The following MIOS variants were observed in gnomAD, a reference collection of about 807,000 sequenced individuals.
MIOS encodes meiosis regulator for oocyte development.
In MIOS, 52 loss-of-function variants were observed where a neutral mutation model predicts 96.9. The observed-to-expected ratio is 0.54, with a 90% CI of 0.43 to 0.68. The LOEUF (loss-of-function observed/expected upper bound fraction) is 0.68. MIOS is among the 30% of genes least tolerant of loss of function. The probability of loss-of-function intolerance (pLI) is 0.00; values close to 1 mark genes in which losing one functional copy is unlikely to be tolerated. For synonymous variants in MIOS, 397 were observed against 359.5 expected (o/e 1.10, Z -1.18); for missense variants, 1,005 against 1,052.8 (o/e 0.95, Z 0.63).
rs916206010 is a variant in MIOS at position 7,583,380 on chromosome 7, G to T, written c.1648+8G>T. 6.3e-7 allele frequency: 1 copy of T among 1,575,174 alleles called. No individual in the cohort carries two copies. The highest frequency in any genetic ancestry group is 8.6e-7 in the Non-Finnish European group (1 of 1,158,754). On this transcript the variant is annotated splice_region_variant and intron_variant, in intron 6 of 12. Transcript: ENST00000340080. ...GGGCATCTTCTGAAAAAGGTATTAG[G>T]TTATAAACTAAGATATTAGTTATAA... is the stretch of plus-strand genomic sequence containing the variant.
In MIOS at chr7:7,574,155, T is replaced by C. The variant is rs776536146; in HGVS notation, c.1352T>C (p.Leu451Ser). The change falls in exon 5 of 13, where the codon TTG becomes TCG. Residue 451 changes from leucine (L) to serine (S), a missense_variant. Around this residue, in one of 3 missense-constraint regions of MIOS, gnomAD observed 865 missense variants for 887.9 expected, o/e 0.97. Coordinates refer to ENST00000340080, the MANE Select transcript of MIOS (RefSeq NM_019005.4). ...DQKSPGNKGS[L>S]VYAGIKSIVK... ...AAATCTCCAGGCAACAAAGGATCAT[T>C]GGTTTATGCAGGAATTAAATCAATT... The C allele has an allele frequency of 6.2e-7, 1 of 1,611,072 alleles. No homozygotes were observed. Among genetic ancestry groups the C allele is most frequent in the South Asian group, 1.1e-5 (1 of 90,722 alleles).
chr7:7,579,888 A>G (rs1190964341), intron 5 of MIOS, among the ~76,000 whole-genome samples: 2 of 152,200 alleles, frequency 1.3e-5, no homozygotes, highest in African/African-American at 2.4e-5. Flanking sequence ...CACATTTCTC[A>G]GAATGTATCC....
chr7:7,571,741 G>A (rs982350141), intron 3 of MIOS, among the ~76,000 whole-genome samples: 1 of 152,140 alleles, frequency 6.6e-6, no homozygotes, highest in Admixed American at 6.6e-5. Context: ...GCAGAGCTAG[G>A]ACTAGAACTC....
At chr7:7,580,239 T>C (rs1783668589) in intron 5 of MIOS, among the ~76,000 whole-genome samples, 1 of 152,230 alleles carries the variant, frequency 6.6e-6, no homozygotes, top group Non-Finnish European at 1.5e-5. Context: ...TTAACTTTTA[T>C]CATTAATCGT....
At chr7:7,568,677 T>A (rs1408887472) in intron 3 of MIOS, among the ~76,000 whole-genome samples, 1 of 152,226 alleles carries the variant, frequency 6.6e-6, no homozygotes, top group Non-Finnish European at 1.5e-5. Context: ...ATTGTTATTT[T>A]GCACCACGTC....
At chr7:7,598,954 C>T (rs1784293637) in intron 11 of MIOS, among the ~76,000 whole-genome samples, 1 of 151,726 alleles carries the variant, frequency 6.6e-6, no homozygotes, top group Non-Finnish European at 1.5e-5. Flanking sequence ...ATATATAATA[C>T]ATATTTGAAC....
chr7:7,600,520 T>C (rs1043128401), intron 11 of MIOS, among the ~76,000 whole-genome samples: 4 of 152,162 alleles, frequency 2.6e-5, no homozygotes, highest in African/African-American at 9.7e-5. Flanking sequence ...GAACTAACTA[T>C]CCTAAATATA....
intron 12 of MIOS, among the ~76,000 whole-genome samples, chr7:7,606,280 C>G (rs138611256): frequency 1.3e-5 from 2 of 152,222 alleles, no homozygotes; most frequent in Non-Finnish European, 1.5e-5. Flanking sequence ...TATGTAAGAA[C>G]TAATTTAAAT....
intron 10 of MIOS, among the ~76,000 whole-genome samples, chr7:7,595,489 T>C: frequency 6.6e-6 from 1 of 152,244 alleles, no homozygotes; most frequent in Non-Finnish European, 1.5e-5. Context: ...TTTTAGACTT[T>C]AGCAGTATTA....
intron 10 of MIOS, among the ~76,000 whole-genome samples, chr7:7,595,667 T>C (rs1290265261): frequency 6.6e-6 from 1 of 152,184 alleles, no homozygotes; most frequent in Non-Finnish European, 1.5e-5. Flanking sequence ...ATTTTCTTAT[T>C]TTAGGAACTT....
rs565000579 is a variant in MIOS, at chr7:7,595,187, A to G, written c.2196+55A>G. On this transcript the variant is annotated intron_variant, in intron 10 of 12. Coordinates refer to ENST00000340080, the MANE Select transcript of MIOS (RefSeq NM_019005.4). Reference sequence around the variant, plus strand: ...TTGTAACATGTTGATGTTCAATTTAATAAGTTACTATTAGCTCATTATTTT... The same window carrying G: ...TTGTAACATGTTGATGTTCAATTTAGTAAGTTACTATTAGCTCATTATTTT... 1.9e-6 allele frequency: 3 copies of G among 1,550,200 alleles called. No homozygotes were observed. The highest frequency in any genetic ancestry group is 2.8e-5 in the African/African-American group (2 of 72,294).
intron 6 of MIOS, among the ~76,000 whole-genome samples, chr7:7,584,980 G>T: frequency 6.6e-6 from 1 of 152,206 alleles, no homozygotes; most frequent in South Asian, 2.1e-4. Flanking sequence ...TGGAAAAATT[G>T]TAAGTGTAAT....
intron 3 of MIOS, among the ~76,000 whole-genome samples, chr7:7,570,033 G>A (rs1331286546): frequency 1.5e-5 from 1 of 67,534 alleles, no homozygotes; most frequent in Non-Finnish European, 3.1e-5. Context: ...AAGCAAGGAA[G>A]GATAGCCTGG....
At chr7:7,604,229 A>T (rs930713521) in intron 11 of MIOS, among the ~76,000 whole-genome samples, 9 of 152,100 alleles carry the variant, frequency 5.9e-5, no homozygotes, top group Non-Finnish European at 1.0e-4. Context: ...TTTAAAAAAA[A>T]ATAAAGTGCT....
At chr7:7,586,169 TGTGTGTGTGTGTGTG>T in intron 7 of MIOS, among the ~76,000 whole-genome samples, 1 of 11,096 alleles carries the variant, frequency 9.0e-5, no homozygotes, top group Non-Finnish European at 5.9e-4. Context: ...TGTGTGTGTG[TGTGTGTGTGTGTGTG>T]TGTGTGTGTG....
chr7:7,606,935 A>G, intron 12 of MIOS, 61 bp from the exon 13 acceptor site: 1 of 1,269,690 alleles, frequency 7.9e-7, no homozygotes, highest in Non-Finnish European at 1.1e-6. Context: ...AAATAAATAA[A>G]TAAATAAATG....
At chr7:7,576,049 T>G (rs1389679947) in intron 5 of MIOS, among the ~76,000 whole-genome samples, 1 of 152,180 alleles carries the variant, frequency 6.6e-6, no homozygotes, top group Non-Finnish European at 1.5e-5. Context: ...GTCAACACAT[T>G]GAGCCATCTT....
chr7:7,583,490 A>G, intron 6 of MIOS, 118 bp downstream of exon 6: 1 of 1,177,250 alleles, frequency 8.5e-7, no homozygotes, highest in Non-Finnish European at 1.1e-6. Context: ...ATTTTAATTT[A>G]ATTTTTGTTG....
chr7:7,596,457 TC>T lies in MIOS; in HGVS notation c.2399del (p.Pro800LeufsTer12). On this transcript the variant is annotated frameshift_variant, in exon 11 of 13. Transcript: ENST00000340080. ...ATATGGGAACACCAGTTTCTAGCTG[TC>T]CTGGTATGACATAATTTTACAAAAT... is the stretch of plus-strand genomic sequence containing the variant. Reference protein sequence around the residue: ...INMGTPVSSCPGGTKSDEKVD... With the variant: ...INMGTPVSSCXGGTKSDEKVD... The T allele has an allele frequency of 6.2e-7, 1 of 1,613,118 alleles. No individual in the cohort carries two copies. The highest frequency in any genetic ancestry group is 8.5e-7 in the Non-Finnish European group (1 of 1,179,254).
Sources: allele counts gnomAD v4.1 joint callset (sites outside exome capture counted in the v4.1 genomes callset), GRCh38; gene constraint gnomAD v4.1.1; regional missense constraint gnomAD v4.1.1; transcripts MANE v1.5; gene names NCBI Gene and HGNC (gene_info 2026-07-23, HGNC 2026-07-21).